Variants in LRRC4B observed in about 807,000 individuals in gnomAD.
LRRC4B encodes the protein leucine-rich repeat-containing protein 4B.
LRRC4B carries 1 observed loss-of-function variant against 7.3 expected under a neutral mutation model. The ratio of observed to expected loss-of-function variants is 0.14; its 90% CI spans 0.05 to 0.65. The LOEUF (loss-of-function observed/expected upper bound fraction) is 0.65. Among genes scored for constraint, LRRC4B ranks in the 30% least tolerant of loss-of-function variants. The pLI is 0.84. For synonymous variants in LRRC4B, 500 were observed against 499.2 expected (o/e 1.00, Z -0.02); for missense variants, 730 against 1,041.6 (o/e 0.70, Z 4.12).
At chr19:50,522,144 C>A (rs1039265325) in intron 2 of LRRC4B, among the ~76,000 whole-genome samples, 3 of 152,122 alleles carry the variant, frequency 2.0e-5, no homozygotes, top group African/African-American at 7.2e-5. Flanking sequence ...TGCCACTGAG[C>A]TCCAGCCTGC....
At chr19:50,526,265 C>A (rs561317802) in intron 2 of LRRC4B, among the ~76,000 whole-genome samples, 2 of 152,254 alleles carry the variant, frequency 1.3e-5, no homozygotes, top group Non-Finnish European at 2.9e-5. Flanking sequence ...ACCTCCTGTT[C>A]TGGCAAGTCC....
chr19:50,567,684 C>G lies in LRRC4B; in HGVS notation c.-36+260G>C, dbSNP rs561154622. Among the ~76,000 whole-genome samples the G allele has an allele frequency of 1.1e-4, 17 of 149,196 alleles. No individual in the cohort carries two copies. The South Asian group carries it at 3.7e-3, about 32-fold the overall frequency. On this transcript the variant is annotated intron_variant, in intron 1 of 2. Coordinates refer to ENST00000652263, the MANE Select transcript of LRRC4B (RefSeq NM_001080457.2). The stretch of plus-strand genomic sequence containing the variant: ...CGCAGCGACCGCCGGACGCACCCCC[C>G]ACAACCTGTCCCCAGGCAGCGGCGA...
At chr19:50,536,735 T>C (rs887549084) in intron 2 of LRRC4B, among the ~76,000 whole-genome samples, 3 of 152,020 alleles carry the variant, frequency 2.0e-5, no homozygotes, top group Non-Finnish European at 4.4e-5. Context: ...CTGTAAGCCA[T>C]GGAGAAGAGC....
chr19:50,543,320 C>T (rs8107394), intron 2 of LRRC4B, among the ~76,000 whole-genome samples: 43,386 of 146,910 alleles, frequency 0.3, 7,008 homozygotes, highest in African/African-American at 0.45. Context: ...TACCAATGCT[C>T]CAGTGCCAGG....
chr19:50,566,735 G>A (rs902895991), intron 1 of LRRC4B, among the ~76,000 whole-genome samples: 5 of 151,034 alleles, frequency 3.3e-5, no homozygotes, highest in African/African-American at 1.2e-4. Flanking sequence ...GGAAGGAGAG[G>A]CTCCCAAAAG....
intron 2 of LRRC4B, among the ~76,000 whole-genome samples, chr19:50,543,190 G>C (rs573597378): frequency 7.2e-5 from 11 of 152,176 alleles, no homozygotes; most frequent in African/African-American, 2.4e-4. Context: ...CTGGGGATCC[G>C]GCAGGGAACA....
rs532247776 is a variant in LRRC4B, at chr19:50,561,208, C to T, written c.-36+6736G>A. Among the ~76,000 whole-genome samples, 18 of 152,222 alleles carry T rather than the reference C, an allele frequency of 1.2e-4. No individual in the cohort carries two copies. The South Asian group carries it at 3.7e-3, about 32-fold the overall frequency. Reference sequence around the variant, plus strand: ...CACTTCTCTGCCATTGTAAATCCAGCATTTCTGGCTGGATCAAAACCACTC... The same window carrying T: ...CACTTCTCTGCCATTGTAAATCCAGTATTTCTGGCTGGATCAAAACCACTC... On this transcript the variant is annotated intron_variant, in intron 1 of 2. Transcript: ENST00000652263.
chr19:50,566,366 A>AG (rs993801216), intron 1 of LRRC4B, among the ~76,000 whole-genome samples: 5 of 119,126 alleles, frequency 4.2e-5, no homozygotes, highest in Non-Finnish European at 7.0e-5. Context: ...CCAGCTGGAG[A>AG]GGGGGGCGGG....
intron 1 of LRRC4B, among the ~76,000 whole-genome samples, chr19:50,562,415 T>A (rs1318426974): frequency 6.6e-6 from 1 of 152,204 alleles, no homozygotes; most frequent in Non-Finnish European, 1.5e-5. Context: ...CATAAGAGAC[T>A]GAGCACTGAG....
At chr19:50,545,276 A>G (rs1981750414) in intron 2 of LRRC4B, among the ~76,000 whole-genome samples, 1 of 151,260 alleles carries the variant, frequency 6.6e-6, no homozygotes, top group Non-Finnish European at 1.5e-5. Flanking sequence ...GCGTGGTGGC[A>G]CATGCCTGTA....
intron 1 of LRRC4B, chr19:50,557,889 G>A (rs973085502): frequency 6.6e-6 from 1 of 152,256 alleles, no homozygotes; most frequent in African/African-American, 2.4e-5. Context: ...CCTACTCAAC[G>A]TGAAGACAAT....
At chr19:50,551,934 C>T (rs1982084817) in intron 1 of LRRC4B, among the ~76,000 whole-genome samples, 1 of 151,600 alleles carries the variant, frequency 6.6e-6, no homozygotes, top group African/African-American at 2.4e-5. Flanking sequence ...CCTCAGCCTC[C>T]CTTCCCTGCG....
intron 2 of LRRC4B, among the ~76,000 whole-genome samples, chr19:50,542,590 C>G (rs746497271): frequency 2.7e-5 from 4 of 150,342 alleles, no homozygotes; most frequent in Non-Finnish European, 5.9e-5. Context: ...TATTCTCCTT[C>G]CTCAGCCTCC....
chr19:50,522,272 T>C (rs923678966), intron 2 of LRRC4B, among the ~76,000 whole-genome samples: 1 of 152,098 alleles, frequency 6.6e-6, no homozygotes, highest in Non-Finnish European at 1.5e-5. Flanking sequence ...GTTCTAAACA[T>C]TTTGTGGGTA....
At chr19:50,544,605 T>C (rs371125613) in intron 2 of LRRC4B, among the ~76,000 whole-genome samples, 1 of 152,020 alleles carries the variant, frequency 6.6e-6, no homozygotes, top group East Asian at 1.9e-4. Flanking sequence ...ACACTGTGCA[T>C]GGGTGGGGAG....
At chr19:50,557,776 A>C (rs1982328462) in intron 1 of LRRC4B, 1 of 152,096 alleles carries the variant, frequency 6.6e-6, no homozygotes, top group South Asian at 2.1e-4. Context: ...TTGACCCTTG[A>C]AGGACAGGGG....
At chr19:50,538,041 C>T (rs953649041) in intron 2 of LRRC4B, among the ~76,000 whole-genome samples, 19 of 152,210 alleles carry the variant, frequency 1.2e-4, no homozygotes, top group African/African-American at 1.9e-4. Flanking sequence ...TCCTCCCTTC[C>T]GCCATTTTCT....
At chr19:50,522,321 G>A (rs1485178437) in intron 2 of LRRC4B, among the ~76,000 whole-genome samples, 1 of 152,076 alleles carries the variant, frequency 6.6e-6, no homozygotes, top group Non-Finnish European at 1.5e-5. Context: ...TGTGAGATGG[G>A]CACTATTACC....
At chr19:50,559,420 C>T (rs972131985) in intron 1 of LRRC4B, among the ~76,000 whole-genome samples, 15 of 152,040 alleles carry the variant, frequency 9.9e-5, no homozygotes, top group Middle Eastern at 3.2e-3. Context: ...GGCAACAGAG[C>T]GAGACTCTGT....
Sources: allele counts gnomAD v4.1 joint callset (sites outside exome capture counted in the v4.1 genomes callset), GRCh38; gene constraint gnomAD v4.1.1; transcripts MANE v1.5; gene names NCBI Gene and HGNC (gene_info 2026-07-23, HGNC 2026-07-21).